ERBB4: variants seen among roughly 807,000 people sequenced by gnomAD.
The protein encoded by ERBB4 is erb-b2 receptor tyrosine kinase 4.
A neutral mutation model predicts 158.0 loss-of-function variants in ERBB4; 42 were observed. That is an observed-to-expected ratio of 0.27 (90% CI 0.21 to 0.34). ERBB4 has a LOEUF of 0.34. Ranked by LOEUF, ERBB4 falls within the 10% of genes least tolerant of loss-of-function variation. The pLI is 1.00. For synonymous variants in ERBB4, 583 were observed against 558.7 expected (o/e 1.04, Z -0.61); for missense variants, 1,333 against 1,624.1 (o/e 0.82, Z 3.08).
At chr2:212,016,497 G>A (rs1575521250) in intron 2 of ERBB4, among the ~76,000 whole-genome samples, 1 of 151,356 alleles carries the variant, frequency 6.6e-6, no homozygotes, top group East Asian at 1.9e-4. Context: ...AAAATCTACT[G>A]GCATATCATG....
chr2:212,438,260 T>C (rs571243651), intron 1 of ERBB4, among the ~76,000 whole-genome samples: 1 of 152,136 alleles, frequency 6.6e-6, no homozygotes, highest in African/African-American at 2.4e-5. Context: ...CTTTAATTAT[T>C]GCTTACTATA....
intron 3 of ERBB4, among the ~76,000 whole-genome samples, chr2:211,890,465 A>G (rs2078933477): frequency 6.6e-6 from 1 of 152,098 alleles, no homozygotes; most frequent in African/African-American, 2.4e-5. Context: ...CAAAATGTAC[A>G]GACCATCGAG....
chr2:212,265,079 G>A (rs1439983732), intron 1 of ERBB4, among the ~76,000 whole-genome samples: 1 of 152,090 alleles, frequency 6.6e-6, no homozygotes, highest in African/African-American at 2.4e-5. Flanking sequence ...GTAGATATGT[G>A]CTATCACTTA....
chr2:212,177,037 C>CT (rs72464233), intron 1 of ERBB4, among the ~76,000 whole-genome samples: 16,147 of 151,532 alleles, frequency 0.11, 1,014 homozygotes, highest in Non-Finnish European at 0.14. Flanking sequence ...GAAGCAACAT[C>CT]TTCAAAAAAA....
chr2:211,516,436 C>A (rs1190490112), intron 20 of ERBB4, among the ~76,000 whole-genome samples: 1 of 151,338 alleles, frequency 6.6e-6, no homozygotes. Context: ...TGGGTTCAAG[C>A]GATTCTTGTA....
intron 2 of ERBB4, among the ~76,000 whole-genome samples, chr2:211,953,614 C>T (rs2080940975): frequency 6.6e-6 from 1 of 151,828 alleles, no homozygotes; most frequent in African/African-American, 2.4e-5. Flanking sequence ...GATATATCTT[C>T]CTCCTCATGG....
At chr2:212,176,283 T>C (rs2081660287) in intron 1 of ERBB4, among the ~76,000 whole-genome samples, 1 of 151,870 alleles carries the variant, frequency 6.6e-6, no homozygotes, top group African/African-American at 2.4e-5. Flanking sequence ...GAAGCCCTAA[T>C]CCCCAAAGTG....
intron 22 of ERBB4, among the ~76,000 whole-genome samples, chr2:211,425,012 T>C (rs1296012745): frequency 6.6e-6 from 1 of 152,170 alleles, no homozygotes; most frequent in African/African-American, 2.4e-5. Flanking sequence ...ATACCCTAAA[T>C]GGTAGCATGC....
intron 2 of ERBB4, among the ~76,000 whole-genome samples, chr2:212,114,554 T>C (rs950034565): frequency 2.0e-5 from 3 of 152,224 alleles, no homozygotes; most frequent in Non-Finnish European, 2.9e-5. Flanking sequence ...AGGAAAGTAA[T>C]ACAATTCAGA....
intron 5 of ERBB4, among the ~76,000 whole-genome samples, chr2:211,744,203 C>T (rs2074889750): frequency 6.6e-6 from 1 of 152,084 alleles, no homozygotes; most frequent in Admixed American, 6.5e-5. Flanking sequence ...TATGGAGGAA[C>T]AATGACACAA....
At chr2:211,676,377 T>C (rs2072070783) in intron 13 of ERBB4, among the ~76,000 whole-genome samples, 1 of 152,216 alleles carries the variant, frequency 6.6e-6, no homozygotes, top group Non-Finnish European at 1.5e-5. Context: ...ATATGAAATA[T>C]GCTAAATATA....
intron 3 of ERBB4, among the ~76,000 whole-genome samples, chr2:211,945,088 A>G (rs1049233172): frequency 1.3e-5 from 2 of 152,208 alleles, no homozygotes; most frequent in Non-Finnish European, 2.9e-5. Flanking sequence ...CCGAAGCACA[A>G]AAACAATCTT....
chr2:212,223,700 TA>T (rs573706929), intron 1 of ERBB4, among the ~76,000 whole-genome samples: 2 of 151,646 alleles, frequency 1.3e-5, no homozygotes, highest in East Asian at 3.9e-4. Flanking sequence ...CTTAAGACTT[TA>T]AAAAATTGTT....
intron 3 of ERBB4, among the ~76,000 whole-genome samples, chr2:211,918,481 G>A (rs2079764156): frequency 6.6e-6 from 1 of 152,212 alleles, no homozygotes; most frequent in Admixed American, 6.5e-5. Flanking sequence ...GTGCACCAGA[G>A]TTTAAAGTTG....
intron 3 of ERBB4, among the ~76,000 whole-genome samples, chr2:211,918,454 C>A (rs1472492536): frequency 6.6e-6 from 1 of 152,024 alleles, no homozygotes; most frequent in Non-Finnish European, 1.5e-5. Flanking sequence ...AGTGAAAAGA[C>A]CTTTACCTAC....
chr2:211,644,990 G>C (rs2070733468), intron 16 of ERBB4, among the ~76,000 whole-genome samples: 1 of 151,860 alleles, frequency 6.6e-6, no homozygotes, highest in South Asian at 2.1e-4. Context: ...GGGGAGGAGA[G>C]TAAGAGATAG....
chr2:211,724,359 TTTA>T (rs2074198389), intron 6 of ERBB4, among the ~76,000 whole-genome samples: 2 of 151,788 alleles, frequency 1.3e-5, no homozygotes, highest in African/African-American at 2.4e-5. Flanking sequence ...TTTTTTTTTT[TTTA>T]AAAAAAGCTC....
intron 9 of ERBB4, among the ~76,000 whole-genome samples, chr2:211,711,503 C>T (rs927101963): frequency 6.6e-6 from 1 of 152,076 alleles, no homozygotes; most frequent in African/African-American, 2.4e-5. Flanking sequence ...ATTTGTATTA[C>T]CAAAATGAAA....
chr2:211,424,783 T>A (rs1411712943), intron 22 of ERBB4, among the ~76,000 whole-genome samples: 1 of 150,960 alleles, frequency 6.6e-6, no homozygotes, highest in Non-Finnish European at 1.5e-5. Flanking sequence ...AATAAAGAAT[T>A]GTGACTCTCT....
Sources: gnomAD v4.1 joint callset for allele counts (sites outside exome capture counted in the v4.1 genomes callset) on GRCh38, gnomAD v4.1.1 for gene constraint, MANE v1.5 for transcripts, NCBI Gene and HGNC (gene_info 2026-07-23, HGNC 2026-07-21) for gene names.